Variants in ANO7 observed in about 807,000 individuals in gnomAD.
The protein encoded by ANO7 is anoctamin 7.
ANO7 carries 114 observed loss-of-function variants against 115.8 expected under a neutral mutation model. The observed-to-expected ratio is 0.98, with a 90% confidence interval of 0.85 to 1.15. ANO7 has a LOEUF of 1.15. Among genes scored for constraint, ANO7 ranks in the 50% most tolerant of loss-of-function variants. The probability of loss-of-function intolerance (pLI) is 0.00; values close to 1 mark genes in which losing one functional copy is unlikely to be tolerated. For missense variants in ANO7, 1,302 were observed against 1,201.2 expected, an observed-to-expected ratio of 1.08 and a Z score of -1.24; for synonymous variants, 550 against 498.2, an observed-to-expected ratio of 1.10 and a Z score of -1.38.
At chr2:241,216,295 C>A in intron 19 of ANO7, 57 bp downstream of exon 19, 1 of 1,494,804 alleles carries the variant, frequency 6.7e-7, no homozygotes, top group Non-Finnish European at 8.9e-7. Flanking sequence ...GGATGGGTGG[C>A]CACTCTGCTC....
the ANO7 span, among the ~76,000 whole-genome samples, chr2:241,233,618 A>G: frequency 6.6e-6 from 1 of 152,060 alleles, no homozygotes. The surrounding 1 kb of genome is among the most constrained non-coding windows in gnomAD (Gnocchi z 4.3). Context: ...GCCCCAGATG[A>G]TACATAGTGC....
At chr2:241,223,158 C>T (rs201518771) in intron 21 of ANO7, 28 bp from the exon 22 acceptor site, 397 of 1,603,864 alleles carry the variant, frequency 2.5e-4, no homozygotes, top group Admixed American at 4.0e-4. Context: ...GCCCTGGCTG[C>T]GCGCACTGAG....
Position 241,210,468 on chromosome 2 carries a change from G to A in ANO7, c.1459G>A (p.Ala487Thr). The A allele has an allele frequency of 6.2e-7, 1 of 1,614,004 alleles. No individual in the cohort carries two copies. The highest frequency in any genetic ancestry group is 8.5e-7 in the Non-Finnish European group (1 of 1,179,980). ...GCTCTGACGGCCTGTCTCCCGTTAGGCCTCTCGCATCGCCAGCCTCACGGG... is the reference window on the plus strand; with the variant it reads ...GCTCTGACGGCCTGTCTCCCGTTAGACCTCTCGCATCGCCAGCCTCACGGG... Reference protein sequence around the residue: ...RSGNTLLAAWASRIASLTGSV... With the variant: ...RSGNTLLAAWTSRIASLTGSV... Residue 487 changes from alanine (A) to threonine (T), a missense_variant and splice_region_variant, in exon 15 of 25, where the codon GCC becomes ACC. Ala to Thr is a moderately conservative substitution (Grantham distance 58). Transcript: ENST00000674324.
intron 4 of ANO7, among the ~76,000 whole-genome samples, chr2:241,198,274 C>T (rs758027940): frequency 1.8e-4 from 28 of 152,192 alleles, no homozygotes; most frequent in Non-Finnish European, 3.1e-4. Flanking sequence ...TCCCTGGCTT[C>T]CTTCCAGTCC....
chr2:241,233,648 G>A, the ANO7 span, among the ~76,000 whole-genome samples: 1 of 152,132 alleles, frequency 6.6e-6, no homozygotes, highest in African/African-American at 2.4e-5. This position sits in a 1 kb window ranked among gnomAD's most constrained non-coding sequence, Gnocchi z 4.3. Context: ...CACCCATCTG[G>A]CAAGTACCGA....
At chr2:241,195,403 G>A (rs1217780814) in intron 3 of ANO7, among the ~76,000 whole-genome samples, 1 of 152,164 alleles carries the variant, frequency 6.6e-6, no homozygotes, top group Non-Finnish European at 1.5e-5. Flanking sequence ...CCCTGTAGGA[G>A]TCTGGGACTT....
At chr2:241,207,475 A>T in intron 10 of ANO7, 99 bp from the exon 11 acceptor site, 1 of 868,758 alleles carries the variant, frequency 1.2e-6, no homozygotes, top group Non-Finnish European at 1.9e-6. Context: ...GTGGACAGAG[A>T]GGACAAGGGA....
At position 241,216,307 on chromosome 2, in the gene ANO7, A is replaced by G. The variant is rs113589329; in HGVS notation, c.1972+69A>G. The G allele has an allele frequency of 1.4e-3, 1,983 of 1,460,490 alleles. 23 individuals are homozygous for G. The African/African-American group carries it at 0.024, about 18-fold the overall frequency. The allele number at this position is 1,460,490 out of a possible 1,614,324, so 90.5% of individuals were successfully genotyped here. A position where few individuals can be genotyped will look rare whatever the true frequency, so the allele number is the denominator to read the frequency against. On this transcript the variant is annotated intron_variant, in intron 19 of 24. Coordinates refer to ENST00000674324, the MANE Select transcript of ANO7 (RefSeq NM_001370694.2). Reference sequence around the variant, plus strand: ...CAGGGATGGGTGGCCACTCTGCTCAAGGGCCTCCCAGCCTGACATTCCTGT... The same window carrying G: ...CAGGGATGGGTGGCCACTCTGCTCAGGGGCCTCCCAGCCTGACATTCCTGT...
At chr2:241,230,446 G>A (rs575278515), downstream of ANO7, among the ~76,000 whole-genome samples, 2 of 152,364 alleles carry the variant, frequency 1.3e-5, no homozygotes, top group East Asian at 3.9e-4. This position sits in a 1 kb window ranked among gnomAD's most constrained non-coding sequence, Gnocchi z 5.0. Context: ...TATCTCAGGA[G>A]CACCTTGTTC....
At chr2:241,229,784 G>T, downstream of ANO7, 4 of 1,502,536 alleles carry the variant, frequency 2.7e-6, no homozygotes, top group Non-Finnish European at 2.7e-6. Context: ...AAGCCCGCCT[G>T]CCCGCCCACC....
chr2:241,206,690 G>C (rs2068599397), intron 10 of ANO7, among the ~76,000 whole-genome samples: 1 of 39,964 alleles, frequency 2.5e-5, no homozygotes, highest in Non-Finnish European at 4.6e-5. Flanking sequence ...GTGGGCAGGA[G>C]TGCTACCAGG....
downstream of ANO7, chr2:241,230,130 C>A (rs1452470218): frequency 3.1e-6 from 5 of 1,600,702 alleles, no homozygotes; most frequent in Non-Finnish European, 4.3e-6. This position sits in a 1 kb window ranked among gnomAD's most constrained non-coding sequence, Gnocchi z 5.0. Flanking sequence ...CGCCTCAGGG[C>A]TCCAAGGCCC....
At chr2:241,190,976 C>G (rs1483091569) in intron 2 of ANO7, among the ~76,000 whole-genome samples, 1 of 152,242 alleles carries the variant, frequency 6.6e-6, no homozygotes, top group Non-Finnish European at 1.5e-5. Flanking sequence ...CTGCCTGCCG[C>G]TCCCCGCGCC....
rs772756593 is a variant in ANO7, at chr2:241,202,192, A to G, written c.613-2A>G. Reference sequence around the variant, plus strand: ...CTGCGCCATCCTCCACATCCCCTGCAGCTGTTTGAGATCCTGGCCAAGACC... The same window carrying G: ...CTGCGCCATCCTCCACATCCCCTGCGGCTGTTTGAGATCCTGGCCAAGACC... On this transcript the variant is annotated splice_acceptor_variant, in intron 7 of 24. Transcript: ENST00000674324. LOFTEE classifies it high-confidence loss of function. The G allele has an allele frequency of 6.2e-7, 1 of 1,613,356 alleles. No individual in the cohort carries two copies. The highest frequency in any genetic ancestry group is 2.2e-5 in the East Asian group (1 of 44,884).
At chr2:241,221,706 T>C (rs1020196629) in intron 21 of ANO7, among the ~76,000 whole-genome samples, 1 of 151,430 alleles carries the variant, frequency 6.6e-6, no homozygotes, top group Non-Finnish European at 1.5e-5. Flanking sequence ...AGATGGAGTT[T>C]TCCTCTTGTC....
At chr2:241,193,200 G>T (rs56310964) in intron 3 of ANO7, among the ~76,000 whole-genome samples, 44,557 of 151,874 alleles carry the variant, frequency 0.29, 8,340 homozygotes, top group Middle Eastern at 0.46. Flanking sequence ...CTCCCGAGTA[G>T]CTGGGACTAC....
chr2:241,191,241 G>T lies in ANO7; in HGVS notation c.156G>T (p.Lys52Asn). 1 of 1,613,840 alleles carries T rather than the reference G, an allele frequency of 6.2e-7. No individual in the cohort carries two copies. The highest frequency in any genetic ancestry group is 8.5e-7 in the Non-Finnish European group (1 of 1,179,928). Residue 52 changes from lysine to asparagine, a missense_variant, in exon 3 of 25, where the codon AAG becomes AAT. Lys to Asn is a moderately conservative substitution (Grantham distance 94). Coordinates refer to ENST00000674324, the MANE Select transcript of ANO7 (RefSeq NM_001370694.2). Reference protein sequence around the residue: ...AAACRAGSPAKPRIADFVLVW... With the variant: ...AAACRAGSPANPRIADFVLVW... ...CCTGCAGAGCTGGGAGTCCTGCCAA[G>T]CCCCGGATCGGTGAGCCCCTCCCAG...
the ANO7 span, among the ~76,000 whole-genome samples, chr2:241,236,940 C>T: frequency 1.9e-4 from 27 of 142,218 alleles, no homozygotes; most frequent in Admixed American, 1.2e-3. Flanking sequence ...GCAGATAGGA[C>T]GTCCCCACAG....
intron 1 of ANO7, 136 bp from the exon 2 acceptor site, chr2:241,189,921 C>G (rs1424567075): frequency 1.6e-6 from 1 of 642,766 alleles, no homozygotes; most frequent in Non-Finnish European, 2.6e-6. Context: ...GAGAGTCTGC[C>G]GAGCCAGCCC....
Sources: allele counts gnomAD v4.1 joint callset (sites outside exome capture counted in the v4.1 genomes callset), GRCh38; gene constraint gnomAD v4.1.1; non-coding constraint Gnocchi (gnomAD v3.1); transcripts MANE v1.5; gene names NCBI Gene and HGNC (gene_info 2026-07-23, HGNC 2026-07-21).